The following PRTG variants were observed in gnomAD, a reference collection of about 807,000 sequenced individuals.
PRTG encodes protogenin, also known as immunoglobulin superfamily, DCC subclass, member 5.
Under a neutral mutation model 122.5 loss-of-function variants are expected in PRTG, and 67 were observed. The observed-to-expected ratio is 0.55, with a 90% CI of 0.45 to 0.67. The LOEUF (loss-of-function observed/expected upper bound fraction) is 0.67, where lower values mean the gene tolerates loss of function less well. Among genes scored for constraint, PRTG ranks in the 30% least tolerant of loss-of-function variants. The pLI is 0.00. For synonymous variants in PRTG, 554 were observed against 501.1 expected (o/e 1.11, Z -1.41); for missense variants, 1,435 against 1,415.4 (o/e 1.01, Z -0.22).
intron 2 of PRTG, among the ~76,000 whole-genome samples, chr15:55,693,236 C>G (rs1300414800): frequency 6.6e-6 from 1 of 152,070 alleles, no homozygotes; most frequent in Non-Finnish European, 1.5e-5. Flanking sequence ...GTGGGCAGAT[C>G]ACCTGAGATC....
chr15:55,642,109 GCT>G (rs1177344796), intron 11 of PRTG, among the ~76,000 whole-genome samples: 1 of 145,930 alleles, frequency 6.9e-6, no homozygotes, highest in African/African-American at 2.6e-5. Flanking sequence ...GGGAAGCGGA[GCT>G]TGCAGTGAGC....
At chr15:55,683,249 A>C (rs187033063) in intron 3 of PRTG, among the ~76,000 whole-genome samples, 1 of 151,946 alleles carries the variant, frequency 6.6e-6, no homozygotes, top group Non-Finnish European at 1.5e-5. Flanking sequence ...TTACCATGTT[A>C]GCAAATGTCT....
intron 2 of PRTG, among the ~76,000 whole-genome samples, chr15:55,723,035 T>C (rs1304723767): frequency 6.6e-6 from 1 of 152,194 alleles, no homozygotes; most frequent in Non-Finnish European, 1.5e-5. Context: ...CAAAAGCCCC[T>C]GGCCTATACC....
intron 15 of PRTG, 72 bp from the exon 16 acceptor site, chr15:55,629,076 T>C: frequency 1.1e-6 from 1 of 951,876 alleles, no homozygotes; most frequent in South Asian, 2.4e-5. Flanking sequence ...TACAAACACG[T>C]TCCTTTATTT....
chr15:55,638,066 A>G (rs1258398211), intron 14 of PRTG, among the ~76,000 whole-genome samples: 1 of 152,218 alleles, frequency 6.6e-6, no homozygotes, highest in Non-Finnish European at 1.5e-5. Context: ...CATTCTAGAG[A>G]TAAGAAAATG....
intron 11 of PRTG, among the ~76,000 whole-genome samples, chr15:55,650,836 G>A (rs2059349494): frequency 6.6e-6 from 1 of 152,072 alleles, no homozygotes; most frequent in African/African-American, 2.4e-5. Context: ...GCATGATAGT[G>A]CATTCCTATA....
intron 11 of PRTG, among the ~76,000 whole-genome samples, chr15:55,653,069 G>C (rs982749173): frequency 3.3e-5 from 5 of 152,078 alleles, no homozygotes; most frequent in African/African-American, 1.2e-4. Flanking sequence ...TTTTCACTTT[G>C]TTTGCATTAT....
intron 2 of PRTG, among the ~76,000 whole-genome samples, chr15:55,708,431 A>AC (rs771726894): frequency 6.6e-6 from 1 of 151,330 alleles, no homozygotes; most frequent in Admixed American, 6.6e-5. Context: ...AGATGGTGAA[A>AC]CCCCATCTCT....
chr15:55,661,271 C>T (rs140185610), intron 11 of PRTG, among the ~76,000 whole-genome samples: 15 of 152,310 alleles, frequency 9.8e-5, no homozygotes, highest in African/African-American at 3.6e-4. Context: ...TCGACTCCAA[C>T]TCTTCCAAAA....
In PRTG at chr15:55,624,455, T is replaced by C. The variant is rs1304608202; in HGVS notation, c.2980A>G (p.Thr994Ala). 2 of 1,614,074 alleles carry C rather than the reference T, an allele frequency of 1.2e-6. No individual in the cohort carries two copies. Among genetic ancestry groups the C allele is most frequent in the Admixed American group, 3.3e-5 (2 of 60,010 alleles). Residue 994 changes from threonine to alanine, a missense_variant, in exon 18 of 20, where the codon ACC becomes GCC. Transcript: ENST00000389286. ...TTTCCACTAGCTAAGGAGGCACTGGTACGAGGTAACTGTTGAGTTCCATTC... is the reference window on the plus strand; with the variant it reads ...TTTCCACTAGCTAAGGAGGCACTGGCACGAGGTAACTGTTGAGTTCCATTC... ...AQNGTQQLPR[T>A]SASLASGNEV...
intron 15 of PRTG, among the ~76,000 whole-genome samples, chr15:55,633,415 TATG>T (rs2059238829): frequency 1.3e-5 from 2 of 152,182 alleles, no homozygotes; most frequent in African/African-American, 2.4e-5. Flanking sequence ...TATAATTTCA[TATG>T]ATGTTTCTGC....
intron 18 of PRTG, among the ~76,000 whole-genome samples, chr15:55,623,179 G>A (rs982585804): frequency 1.3e-5 from 2 of 152,094 alleles, no homozygotes; most frequent in Admixed American, 1.3e-4. Context: ...TTTCTGTAGA[G>A]GGCCAGATCG....
At chr15:55,662,208 A>G (rs1292181081) in intron 11 of PRTG, among the ~76,000 whole-genome samples, 1 of 152,198 alleles carries the variant, frequency 6.6e-6, no homozygotes, top group Non-Finnish European at 1.5e-5. Flanking sequence ...GTGATCTATA[A>G]CATCTCATAG....
rs753223009 is a variant in PRTG, at chr15:55,740,540, G to A, written c.239C>T (p.Ser80Phe). ...VTWLKNGAKM[S>F]ENKRIEVLSN... ...AAGAACCTCGATCCGTTTATTTTCA[G>A]ACATTTTTGCTCCATTTTTCAACCA... Residue 80 changes from serine to phenylalanine, a missense_variant, in exon 2 of 20, where the codon TCT (serine) becomes TTT (phenylalanine). Ser to Phe is a radical substitution (Grantham distance 155). Transcript: ENST00000389286. 3 of 1,613,626 alleles carry A rather than the reference G, an allele frequency of 1.9e-6. No homozygotes were observed. In the Admixed American group the frequency reaches 5.0e-5, roughly 27 times the overall value.
intron 15 of PRTG, among the ~76,000 whole-genome samples, chr15:55,635,469 T>C (rs1366241549): frequency 6.6e-6 from 1 of 152,186 alleles, no homozygotes; most frequent in Non-Finnish European, 1.5e-5. Context: ...CCAACAGAAC[T>C]GCCAAGCTGA....
At chr15:55,647,164 T>C (rs1029626807) in intron 11 of PRTG, among the ~76,000 whole-genome samples, 3 of 151,954 alleles carry the variant, frequency 2.0e-5, no homozygotes, top group Non-Finnish European at 4.4e-5. Context: ...CCTGTAATCC[T>C]AGCTACTTGG....
intron 2 of PRTG, among the ~76,000 whole-genome samples, chr15:55,714,296 C>T (rs1002441037): frequency 1.3e-5 from 2 of 151,496 alleles, no homozygotes; most frequent in Non-Finnish European, 2.9e-5. Flanking sequence ...GATACCATAG[C>T]TCAACTGCAG....
intron 4 of PRTG, 30 bp from the exon 5 acceptor site, chr15:55,680,658 A>C (rs971559673): frequency 7.3e-7 from 1 of 1,370,200 alleles, no homozygotes; most frequent in Non-Finnish European, 9.7e-7. Flanking sequence ...GAATATAAAA[A>C]TAAATTATAA....
rs1024478072 is a variant in PRTG, at chr15:55,619,863, A to G, written c.*149T>C. On this transcript the variant is annotated 3_prime_UTR_variant, in exon 20 of 20. Transcript: ENST00000389286. ...TGAGAATACCTGAGCATGGCCGTCT[A>G]GATTGGAAAATCATTTTTATCAAAG... 7.4e-7 allele frequency: 1 copy of G among 1,347,734 alleles called. No homozygotes were observed. The highest frequency in any genetic ancestry group is 2.5e-5 in the Admixed American group (1 of 39,966). 83.5% of individuals were successfully genotyped at this position (1,347,734 alleles called of 1,614,324 possible). A position where few individuals can be genotyped will look rare whatever the true frequency, so the allele number is the denominator to read the frequency against.
Sources: gnomAD v4.1 joint callset for allele counts (sites outside exome capture counted in the v4.1 genomes callset) on GRCh38, gnomAD v4.1.1 for gene constraint, MANE v1.5 for transcripts, NCBI Gene and HGNC (gene_info 2026-07-23, HGNC 2026-07-21) for gene names.